ZNF763: variants seen among roughly 807,000 people sequenced by gnomAD.
The protein encoded by ZNF763 is zinc finger protein 763, also known as DNA-binding protein.
In ZNF763, 33 loss-of-function variants were observed where a neutral mutation model predicts 38.0. The ratio of observed to expected loss-of-function variants is 0.87; its 90% CI spans 0.66 to 1.16. ZNF763 has a LOEUF of 1.16. ZNF763 is among the 50% of genes most tolerant of loss of function. The pLI is 0.00. For missense variants in ZNF763, 423 were observed against 469.1 expected (o/e 0.90, Z 0.91); for synonymous variants, 155 against 160.1 (o/e 0.97, Z 0.24).
intron 1 of ZNF763, among the ~76,000 whole-genome samples, chr19:11,969,722 C>T (rs279284): frequency 0.035 from 5,289 of 152,216 alleles, 331 homozygotes; most frequent in African/African-American, 0.12. Flanking sequence ...TCTTCAAGGG[C>T]TTGCAGTGAA....
chr19:11,976,926 C>A (rs1568310110), intron 1 of ZNF763, 112 bp from the exon 2 acceptor site: 5 of 1,552,590 alleles, frequency 3.2e-6, no homozygotes, highest in Non-Finnish European at 4.3e-6. Context: ...GATGTGATGA[C>A]CAAAGCAGGG....
At chr19:11,977,335 T>C in intron 2 of ZNF763, 36 bp from the exon 3 acceptor site, 5 of 1,610,274 alleles carry the variant, frequency 3.1e-6, no homozygotes, top group Non-Finnish European at 4.2e-6. Flanking sequence ...CAGTTTTATA[T>C]TGCTTCAGGA....
rs572249009 is a variant in ZNF763, at chr19:11,972,926, A to C, written c.4-4112A>C. On this transcript the variant is annotated intron_variant, in intron 1 of 3. Coordinates refer to ENST00000358987, the MANE Select transcript of ZNF763 (RefSeq NM_001367172.2). The stretch of plus-strand genomic sequence containing the variant: ...AGGCAACATAACAAGACCCTGTTTC[A>C]AAAAAAAAAAAAATCATTTTAAACC... 1.0e-3 allele frequency among the ~76,000 whole-genome samples: 131 copies of C among 126,150 alleles called. 2 individuals carry two copies. The South Asian group carries it at 0.028, about 27-fold the overall frequency. 82.8% of individuals were successfully genotyped at this position (126,150 alleles called of 152,430 possible).
intron 1 of ZNF763, among the ~76,000 whole-genome samples, chr19:11,974,641 C>T (rs775675614): frequency 1.4e-5 from 2 of 147,940 alleles, no homozygotes; most frequent in African/African-American, 2.5e-5. Context: ...CTGGCTCTGT[C>T]GCCCAGGCTG....
At chr19:11,965,423 G>T (rs1003610597) in intron 1 of ZNF763, among the ~76,000 whole-genome samples, 1 of 152,210 alleles carries the variant, frequency 6.6e-6, no homozygotes, top group South Asian at 2.1e-4. Context: ...TCCCTGCGCG[G>T]TGACTGCGGC....
chr19:11,974,091 TTC>T (rs1218147362), intron 1 of ZNF763, among the ~76,000 whole-genome samples: 1 of 87,992 alleles, frequency 1.1e-5, no homozygotes, highest in Non-Finnish European at 2.3e-5. Flanking sequence ...CTTTCTTTCT[TTC>T]TTTCTTTCTT....
rs1973547440 is a variant in ZNF763, at chr19:11,978,539, TG to T, written c.618del (p.Ala208LeufsTer190). On this transcript the variant is annotated frameshift_variant, in exon 4 of 4. Coordinates refer to ENST00000358987, the MANE Select transcript of ZNF763 (RefSeq NM_001367172.2). LOFTEE classifies it high-confidence loss of function. ...GDGPYKCKFC[G>X]KAVHCLRLYL... ...ATGGACCTTATAAATGTAAGTTTTG[TG>T]GGAAAGCTGTCCATTGTCTCAGATT... is the stretch of plus-strand genomic sequence containing the variant. The T allele has an allele frequency of 6.2e-7, 1 of 1,614,114 alleles. No individual in the cohort carries two copies.
chr19:11,976,988 C>A, intron 1 of ZNF763, 50 bp from the exon 2 acceptor site: 1 of 1,610,672 alleles, frequency 6.2e-7, no homozygotes, highest in Non-Finnish European at 8.5e-7. Context: ...TCTAGGCCCC[C>A]ACTGCTGTCA....
At chr19:11,975,013 C>T (rs1017559160) in intron 1 of ZNF763, among the ~76,000 whole-genome samples, 1 of 152,082 alleles carries the variant, frequency 6.6e-6, no homozygotes, top group African/African-American at 2.4e-5. Flanking sequence ...CATAAGTTCT[C>T]TAAGATGAAT....
At chr19:11,974,458 A>C (rs1466150805) in intron 1 of ZNF763, among the ~76,000 whole-genome samples, 3 of 151,936 alleles carry the variant, frequency 2.0e-5, no homozygotes, top group South Asian at 2.1e-4. Flanking sequence ...TGGCCTCCCA[A>C]AATGCTCAAT....
chr19:11,979,702 G>A lies in ZNF763; in HGVS notation c.*593G>A, dbSNP rs541590187. On this transcript the variant is annotated 3_prime_UTR_variant, in exon 4 of 4. Coordinates refer to ENST00000358987, the MANE Select transcript of ZNF763 (RefSeq NM_001367172.2). ...TGCATGCTGGGACTCACCCTGAAGA[G>A]AAGCCCTACGAGTGTAAGCAATGTG... 7.5e-5 allele frequency: 120 copies of A among 1,600,650 alleles called. No homozygotes were observed. The African/African-American group carries it at 1.5e-3, about 20-fold the overall frequency.
chr19:11,966,218 C>T lies in ZNF763; in HGVS notation c.3+1007C>T, dbSNP rs570617367. On this transcript the variant is annotated intron_variant, in intron 1 of 3. Transcript: ENST00000358987. ...TAATGTCTGTTTTTACATGAATGTGCGTCAGTTGCTGCATGTAAACTCCTA... is the reference window on the plus strand; with the variant it reads ...TAATGTCTGTTTTTACATGAATGTGTGTCAGTTGCTGCATGTAAACTCCTA... Among the ~76,000 whole-genome samples, 8 of 152,186 alleles carry T rather than the reference C, an allele frequency of 5.3e-5. No homozygotes were observed. The East Asian group carries it at 1.5e-3, about 29-fold the overall frequency.
Position 11,965,656 on chromosome 19 carries a change from T to C in ZNF763, c.3+445T>C, listed in dbSNP as rs573654086. Among the ~76,000 whole-genome samples, 5 of 152,322 alleles carry C rather than the reference T, an allele frequency of 3.3e-5. No individual in the cohort carries two copies. In the South Asian group the frequency reaches 1.0e-3, roughly 32 times the overall value. On this transcript the variant is annotated intron_variant, in intron 1 of 3. Transcript: ENST00000358987. ...AAGAGTTCATTTGAGCAAACAGCAATTCAGTAATGAGAACCACCCAGTCCT... is the reference window on the plus strand; with the variant it reads ...AAGAGTTCATTTGAGCAAACAGCAACTCAGTAATGAGAACCACCCAGTCCT...
rs1973535496 is a variant in ZNF763, at chr19:11,978,140, T to A, written c.216T>A (p.Asn72Lys). The change falls in exon 4 of 4, where the codon AAT becomes AAA. Residue 72 changes from asparagine (N) to lysine (K), a missense_variant. Transcript: ENST00000358987. ...NFRSLIEGNVNEIKEDSHCGE... is the reference protein window; with the variant it reads ...NFRSLIEGNVKEIKEDSHCGE... ...GGAGTCTCATAGAAGGGAATGTCAA[T>A]GAAATTAAAGAAGACAGTCATTGTG... 1 of 1,613,134 alleles carries A rather than the reference T, an allele frequency of 6.2e-7. No homozygotes were observed. The highest frequency in any genetic ancestry group is 2.2e-5 in the East Asian group (1 of 44,872).
At chr19:11,976,996 T>C (rs1238972759) in intron 1 of ZNF763, 42 bp from the exon 2 acceptor site, 12 of 1,611,430 alleles carry the variant, frequency 7.4e-6, no homozygotes, top group Non-Finnish European at 1.0e-5. Flanking sequence ...CCCACTGCTG[T>C]CACTCTCACC....
At chr19:11,973,226 A>G (rs1973386846) in intron 1 of ZNF763, among the ~76,000 whole-genome samples, 1 of 152,124 alleles carries the variant, frequency 6.6e-6, no homozygotes, top group South Asian at 2.1e-4. Context: ...TATCCCTGGC[A>G]ACAGATGATG....
intron 1 of ZNF763, among the ~76,000 whole-genome samples, chr19:11,967,656 G>A (rs1227664155): frequency 1.3e-5 from 2 of 151,976 alleles, no homozygotes; most frequent in Admixed American, 1.3e-4. Flanking sequence ...ACCCACCTCG[G>A]CCTCCCAAAG....
Position 11,980,245 on chromosome 19 carries a change from G to A in ZNF763, c.*1136G>A. On this transcript the variant is annotated 3_prime_UTR_variant, in exon 4 of 4. Coordinates refer to ENST00000358987, the MANE Select transcript of ZNF763 (RefSeq NM_001367172.2). The stretch of plus-strand genomic sequence containing the variant: ...AAACTACAAAAATTGGCCAGGCGTG[G>A]TGGCCTGCTTCTGTAATCCTAGCTA... 2.8e-6 allele frequency: 1 copy of A among 355,104 alleles called. No homozygotes were observed. The allele number at this position is 355,104 out of a possible 1,614,324, so 22.0% of individuals were successfully genotyped here.
intron 1 of ZNF763, among the ~76,000 whole-genome samples, chr19:11,975,406 A>T (rs1167496665): frequency 3.0e-5 from 4 of 134,430 alleles, no homozygotes; most frequent in African/African-American, 1.1e-4. Flanking sequence ...TTATTTTATT[A>T]TTATTTTTTG....
Sources: gnomAD v4.1 joint callset for allele counts (sites outside exome capture counted in the v4.1 genomes callset) on GRCh38, gnomAD v4.1.1 for gene constraint, MANE v1.5 for transcripts, NCBI Gene and HGNC (gene_info 2026-07-23, HGNC 2026-07-21) for gene names.